The following BAIAP2 variants were observed in gnomAD, a reference collection of about 807,000 sequenced individuals.
The protein encoded by BAIAP2 is BAR/IMD domain containing adaptor protein 2.
A neutral mutation model predicts 63.0 loss-of-function variants in BAIAP2; 18 were observed. The ratio of observed to expected loss-of-function variants is 0.29; its 90% CI spans 0.20 to 0.42. BAIAP2 has a LOEUF of 0.42. BAIAP2 is among the 10% of genes least tolerant of loss of function. The probability of loss-of-function intolerance (pLI) is 1.00; values close to 1 mark genes in which losing one functional copy is unlikely to be tolerated. For synonymous variants in BAIAP2, 386 were observed against 307.6 expected, an observed-to-expected ratio of 1.25 and a Z score of -2.67; for missense variants, 610 against 734.3, an observed-to-expected ratio of 0.83 and a Z score of 1.96.
chr17:81,104,176 C>CTCCTCAG, intron 9 of BAIAP2, 68 bp downstream of exon 9: 2 of 1,543,094 alleles, frequency 1.3e-6, no homozygotes, highest in Non-Finnish European at 8.9e-7. Context: ...ACAGTCATGC[C>CTCCTCAG]ACAACCCTCA....
chr17:81,045,018 C>T (rs957273208), intron 1 of BAIAP2, among the ~76,000 whole-genome samples: 7 of 152,238 alleles, frequency 4.6e-5, no homozygotes, highest in African/African-American at 7.2e-5. Context: ...CAGGATGTGC[C>T]TCTCGGACAG....
At chr17:81,089,635 A>AG (rs1200275807) in intron 6 of BAIAP2, among the ~76,000 whole-genome samples, 2 of 151,694 alleles carry the variant, frequency 1.3e-5, no homozygotes, top group Non-Finnish European at 2.9e-5. Flanking sequence ...GGGCAGGCGG[A>AG]GGGGGAGAGG....
chr17:81,072,936 C>G (rs984187420), intron 3 of BAIAP2, among the ~76,000 whole-genome samples: 1 of 151,992 alleles, frequency 6.6e-6, no homozygotes, highest in African/African-American at 2.4e-5. Flanking sequence ...TCCCGGGTGC[C>G]GGGTACAAAC....
chr17:81,108,664 C>T (rs1415334444), intron 13 of BAIAP2, 155 bp downstream of exon 13: 31 of 1,015,158 alleles, frequency 3.1e-5, no homozygotes, highest in Non-Finnish European at 3.8e-5. Flanking sequence ...TCCCTTAGGG[C>T]GTCCTGCTTT....
intron 2 of BAIAP2, chr17:81,057,575 C>A (rs561062930): frequency 9.4e-6 from 10 of 1,061,194 alleles, no homozygotes; most frequent in Non-Finnish European, 1.2e-5. Context: ...CTCCCTCCCC[C>A]CGGCCCTGCC....
intron 6 of BAIAP2, chr17:81,098,038 T>C: frequency 1.2e-5 from 14 of 1,137,096 alleles, no homozygotes; most frequent in Non-Finnish European, 1.6e-5. Flanking sequence ...GGCTGTGGTG[T>C]CACGCGCTAC....
intron 1 of BAIAP2, among the ~76,000 whole-genome samples, chr17:81,052,959 C>T (rs1372143550): frequency 6.6e-6 from 1 of 152,198 alleles, no homozygotes; most frequent in Non-Finnish European, 1.5e-5. Flanking sequence ...CTGGCAGGGG[C>T]TGGCTGTTGA....
chr17:81,109,181 A>G lies in BAIAP2; in HGVS notation c.1535+672A>G, dbSNP rs2059569083. The stretch of plus-strand genomic sequence containing the variant: ...CCCCCAGGGTCCATGGTGCTGCTCC[A>G]TCCGCCCCCCCTCCCCTGTGTTTAC... On this transcript the variant is annotated intron_variant, in intron 13 of 13. Transcript: ENST00000428708. 3.6e-6 allele frequency: 5 copies of G among 1,398,392 alleles called. No individual in the cohort carries two copies. In the East Asian group the frequency reaches 1.1e-4, roughly 30 times the overall value. 86.6% of individuals were successfully genotyped at this position (1,398,392 alleles called of 1,614,324 possible). A position where few individuals can be genotyped will look rare whatever the true frequency, so the allele number is the denominator to read the frequency against.
chr17:81,106,868 G>A lies in BAIAP2; in HGVS notation c.1461G>A (p.Lys487=). ...AFPAQTASGF[K]QRPYSVAVPA... is the part of the protein sequence containing the mutation. ...CCGCCCAGACGGCCAGCGGCTTCAA[G>A]CAGAGGCCCTACAGTGTGGCCGTGC... Residue 487 remains lysine (K), a synonymous_variant, in exon 12 of 14, where the codon AAG becomes AAA. Transcript: ENST00000428708. 6.2e-7 allele frequency: 1 copy of A among 1,603,920 alleles called. No individual in the cohort carries two copies. Among genetic ancestry groups the A allele is most frequent in the Non-Finnish European group, 8.5e-7 (1 of 1,175,534 alleles).
chr17:81,104,410 C>T, intron 9 of BAIAP2, 104 bp from the exon 10 acceptor site: 2 of 1,295,620 alleles, frequency 1.5e-6, no homozygotes. Context: ...ACTTACCCAC[C>T]TGGGGCACAG....
intron 1 of BAIAP2, among the ~76,000 whole-genome samples, chr17:81,035,686 C>G (rs1046788590): frequency 1.3e-5 from 2 of 151,636 alleles, no homozygotes; most frequent in Non-Finnish European, 2.9e-5. Context: ...CGGTCGGGGT[C>G]GTAGCACACC....
rs755318283 is a variant in BAIAP2, at chr17:81,036,837, C to T, written c.54+1529C>T. 150 of 1,512,670 alleles carry T rather than the reference C, an allele frequency of 9.9e-5. 1 individual carries two copies. Among genetic ancestry groups the T allele is most frequent in the Non-Finnish European group, 1.3e-4 (147 of 1,125,922 alleles). 93.7% of individuals were successfully genotyped at this position (1,512,670 alleles called of 1,614,324 possible). A position where few individuals can be genotyped will look rare whatever the true frequency, so the allele number is the denominator to read the frequency against. Reference sequence around the variant, plus strand: ...TTTATTAAATTATTAGTCATTAGCTCCATTACGACTTGTTTGTGATTGCAG... The same window carrying T: ...TTTATTAAATTATTAGTCATTAGCTTCATTACGACTTGTTTGTGATTGCAG... On this transcript the variant is annotated intron_variant, in intron 1 of 13. Coordinates refer to ENST00000428708, the MANE Select transcript of BAIAP2 (RefSeq NM_001144888.2).
intron 3 of BAIAP2, among the ~76,000 whole-genome samples, chr17:81,066,784 C>G (rs1274396483): frequency 6.6e-6 from 1 of 152,224 alleles, no homozygotes; most frequent in African/African-American, 2.4e-5. Context: ...CACGGCCCCT[C>G]TGGGCTCAGG....
Position 81,116,484 on chromosome 17 carries a change from C to A in BAIAP2, c.*645C>A. On this transcript the variant is annotated 3_prime_UTR_variant, in exon 14 of 14. Transcript: ENST00000428708. ...GCAGGCCCCAGCCCTCCTCCTTACC[C>A]AACCTCCCATCCAGAACCTTGCTGC... 6 of 783,354 alleles carry A rather than the reference C, an allele frequency of 7.7e-6. No homozygotes were observed. The highest frequency in any genetic ancestry group is 9.9e-6 in the Non-Finnish European group (5 of 504,408). 48.5% of individuals were successfully genotyped at this position (783,354 alleles called of 1,614,324 possible). A position where few individuals can be genotyped will look rare whatever the true frequency, so the allele number is the denominator to read the frequency against.
chr17:81,106,974 C>T (rs2059258583), intron 12 of BAIAP2, 67 bp downstream of exon 12: 1 of 1,446,294 alleles, frequency 6.9e-7, no homozygotes, highest in Non-Finnish European at 9.1e-7. Context: ...CTGCAGTCCC[C>T]CGTTGGAGCC....
In BAIAP2 at chr17:81,098,274, C is replaced by T. The variant is rs1337584804; in HGVS notation, c.490-1654C>T. The T allele has an allele frequency of 6.2e-6, 7 of 1,131,580 alleles. No homozygotes were observed. The Admixed American group carries it at 1.7e-4, about 27-fold the overall frequency. The allele number at this position is 1,131,580 out of a possible 1,614,324, so 70.1% of individuals were successfully genotyped here. A position where few individuals can be genotyped will look rare whatever the true frequency, so the allele number is the denominator to read the frequency against. Reference sequence around the variant, plus strand: ...CCAGGATGGGAGCACAGTCCGGGGCCTGGGAGGCAGCGGCCGCCCTCAGCT... The same window carrying T: ...CCAGGATGGGAGCACAGTCCGGGGCTTGGGAGGCAGCGGCCGCCCTCAGCT... On this transcript the variant is annotated intron_variant, in intron 6 of 13. Coordinates refer to ENST00000428708, the MANE Select transcript of BAIAP2 (RefSeq NM_001144888.2).
At chr17:81,091,186 GCCCCACCCCA>G (rs113764466) in intron 6 of BAIAP2, among the ~76,000 whole-genome samples, 226 of 111,982 alleles carry the variant, frequency 2.0e-3, no homozygotes, top group African/African-American at 6.6e-3. Context: ...CATTTATGTG[GCCCCACCCCA>G]CCCCACCCCA....
intron 1 of BAIAP2, among the ~76,000 whole-genome samples, chr17:81,038,381 C>A (rs547764432): frequency 1.3e-5 from 2 of 152,348 alleles, no homozygotes; most frequent in Non-Finnish European, 2.9e-5. Context: ...TGACCCATGA[C>A]CTGGAGTGTG....
intron 3 of BAIAP2, among the ~76,000 whole-genome samples, chr17:81,058,841 C>G (rs559891014): frequency 6.6e-6 from 1 of 151,382 alleles, no homozygotes; most frequent in East Asian, 2.0e-4. Context: ...GGCCCTGTTC[C>G]CTTCTTTCTA....
Sources: gnomAD v4.1 joint callset for allele counts (sites outside exome capture counted in the v4.1 genomes callset) on GRCh38, gnomAD v4.1.1 for gene constraint, MANE v1.5 for transcripts, NCBI Gene and HGNC (gene_info 2026-07-23, HGNC 2026-07-21) for gene names.